GPR158: variants seen among roughly 807,000 people sequenced by gnomAD.
GPR158 encodes the protein metabotropic glycine receptor.
GPR158 carries 30 observed loss-of-function variants against 78.2 expected under a neutral mutation model. That is an observed-to-expected ratio of 0.38 (90% CI 0.29 to 0.52). The LOEUF (loss-of-function observed/expected upper bound fraction) is 0.52, where lower values mean the gene tolerates loss of function less well. Ranked by LOEUF, GPR158 falls within the 20% of genes least tolerant of loss-of-function variation. The pLI, the probability that GPR158 is intolerant of heterozygous loss-of-function variation, is 0.83. For synonymous variants in GPR158, 581 were observed against 591.1 expected, an observed-to-expected ratio of 0.98 and a Z score of 0.25; for missense variants, 1,463 against 1,523.5, an observed-to-expected ratio of 0.96 and a Z score of 0.66.
intron 5 of GPR158, among the ~76,000 whole-genome samples, chr10:25,524,988 A>G (rs1588898413): frequency 6.6e-6 from 1 of 152,354 alleles, no homozygotes; most frequent in Admixed American, 6.5e-5. Context: ...TGGAGAATAT[A>G]TACAGATAGC....
intron 2 of GPR158, among the ~76,000 whole-genome samples, chr10:25,295,566 A>G (rs544714064): frequency 1.3e-5 from 2 of 152,148 alleles, no homozygotes; most frequent in Non-Finnish European, 2.9e-5. Flanking sequence ...GGCGCCCGCC[A>G]CTACGCCCGG....
intron 6 of GPR158, among the ~76,000 whole-genome samples, chr10:25,564,021 A>G (rs1836895486): frequency 1.3e-5 from 2 of 152,006 alleles, no homozygotes; most frequent in Admixed American, 6.6e-5. Context: ...CAGATTCTCC[A>G]TCCTTTCCAG....
chr10:25,176,012 G>A lies in GPR158; in HGVS notation c.592G>A (p.Glu198Lys). 1 of 1,612,588 alleles carries A rather than the reference G, an allele frequency of 6.2e-7. No homozygotes were observed. The highest frequency in any genetic ancestry group is 8.5e-7 in the Non-Finnish European group (1 of 1,179,650). ...PQVFLQATREESRILLQDLSS... is the reference protein window; with the variant it reads ...PQVFLQATREKSRILLQDLSS... ...GGTCTTCCTCCAGGCCACGCGCGAGGAGAGCCGCATCCTGCTCCAAGACCT... is the reference window on the plus strand; with the variant it reads ...GGTCTTCCTCCAGGCCACGCGCGAGAAGAGCCGCATCCTGCTCCAAGACCT... The change falls in exon 1 of 11, where the codon GAG becomes AAG. Residue 198 changes from glutamate (E) to lysine (K), a missense_variant. Transcript: ENST00000376351. This position sits in a 1 kb window ranked among gnomAD's most constrained non-coding sequence, Gnocchi z 6.3.
chr10:25,300,031 T>A (rs1854569371), intron 2 of GPR158, among the ~76,000 whole-genome samples: 1 of 152,176 alleles, frequency 6.6e-6, no homozygotes, highest in South Asian at 2.1e-4. Flanking sequence ...GTGCTGGGAT[T>A]ACAGGTGTGA....
intron 2 of GPR158, among the ~76,000 whole-genome samples, chr10:25,384,398 C>G (rs994023136): frequency 6.6e-6 from 1 of 152,086 alleles, no homozygotes; most frequent in South Asian, 2.1e-4. Context: ...AATTCAGTAC[C>G]TATTGTTCAG....
At position 25,241,409 on chromosome 10, in the gene GPR158, CTCTTTTCTTT is replaced by C. The variant is rs1206670364; in HGVS notation, c.1008+20273_1008+20282del. On this transcript the variant is annotated intron_variant, in intron 2 of 10. Transcript: ENST00000376351. ...CTCTTCTCTTCTCTTCTCTTCTCTT[CTCTTTTCTTT>C]TCTTTTCTTTTCTTTTCTTTCGACA... Among the ~76,000 whole-genome samples the C allele has an allele frequency of 3.2e-3, 342 of 108,090 alleles. 15 individuals carry two copies. Among genetic ancestry groups the C allele is most frequent in the African/African-American group, 0.011 (299 of 27,532 alleles). 70.9% of individuals were successfully genotyped at this position (108,090 alleles called of 152,430 possible). A position where few individuals can be genotyped will look rare whatever the true frequency, so the allele number is the denominator to read the frequency against.
intron 3 of GPR158, among the ~76,000 whole-genome samples, chr10:25,396,862 G>T (rs78753486): frequency 0.022 from 3,375 of 152,274 alleles, 55 homozygotes; most frequent in Non-Finnish European, 0.037. Context: ...CCTCTTCAAA[G>T]CTCCTTAGGA....
At chr10:25,576,614 C>T (rs745454385) in intron 7 of GPR158, among the ~76,000 whole-genome samples, 6 of 152,034 alleles carry the variant, frequency 3.9e-5, no homozygotes, top group Non-Finnish European at 7.4e-5. Flanking sequence ...AGATTCATAG[C>T]GTGAGATGGC....
intron 4 of GPR158, among the ~76,000 whole-genome samples, chr10:25,417,604 G>T (rs945633404): frequency 4.6e-5 from 7 of 152,120 alleles, no homozygotes; most frequent in African/African-American, 1.4e-4. Flanking sequence ...TATTCACTGA[G>T]TGAAACCAAA....
chr10:25,378,448 G>A (rs1834113706), intron 2 of GPR158, among the ~76,000 whole-genome samples: 1 of 151,440 alleles, frequency 6.6e-6, no homozygotes, highest in Non-Finnish European at 1.5e-5. Flanking sequence ...CAGACTGCTT[G>A]CCTTCCTACT....
At chr10:25,241,141 CTTTCTTTCTTT>C (rs1853601557) in intron 2 of GPR158, among the ~76,000 whole-genome samples, 3 of 90,842 alleles carry the variant, frequency 3.3e-5, no homozygotes, top group Non-Finnish European at 6.7e-5. Context: ...TTCTTTCTTT[CTTTCTTTCTTT>C]CTTTCTTTCT....
intron 8 of GPR158, among the ~76,000 whole-genome samples, chr10:25,593,695 A>AT (rs1837368616): frequency 6.6e-6 from 1 of 152,104 alleles, no homozygotes; most frequent in African/African-American, 2.4e-5. Flanking sequence ...ATCAGATAAG[A>AT]TTTTTAAATA....
intron 2 of GPR158, among the ~76,000 whole-genome samples, chr10:25,334,648 T>TA: frequency 6.6e-6 from 1 of 152,200 alleles, no homozygotes; most frequent in East Asian, 1.9e-4. Context: ...TTATGATTGT[T>TA]ACAGAATTGC....
Position 25,431,836 on chromosome 10 carries a change from A to T in GPR158, c.1335+19363A>T, listed in dbSNP as rs141124198. Among the ~76,000 whole-genome samples the T allele has an allele frequency of 3.4e-4, 52 of 152,282 alleles. No homozygotes were observed. In the East Asian group the frequency reaches 9.5e-3, roughly 28 times the overall value. On this transcript the variant is annotated intron_variant, in intron 4 of 10. Transcript: ENST00000376351. ...AGAACACATGGACACAGGAAGGGGA[A>T]CATCACACTCTGGGGACTGTTGTGG... is the stretch of plus-strand genomic sequence containing the variant.
rs761859124 is a variant in GPR158 at position 25,412,293 on chromosome 10, G to A, written c.1155G>A (p.Val385=). The A allele has an allele frequency of 6.2e-7, 1 of 1,614,038 alleles. No homozygotes were observed. The highest frequency in any genetic ancestry group is 2.2e-5 in the East Asian group (1 of 44,878). ...ATATTTCAGGAAGTACAAAAGATGT[G>A]TCAGAAGAAGCCTATGTCTGCCTAC... ...DQHISGSTKD[V]SEEAYVCLPC... is the part of the protein sequence containing the mutation. Residue 385 remains valine (V), a synonymous_variant, in exon 4 of 11, where the codon GTG becomes GTA. Transcript: ENST00000376351.
intron 4 of GPR158, among the ~76,000 whole-genome samples, chr10:25,420,417 T>C (rs1834734190): frequency 6.6e-6 from 1 of 152,150 alleles, no homozygotes; most frequent in Non-Finnish European, 1.5e-5. Context: ...CCTCCCAAAA[T>C]GCTGGGATTA....
At chr10:25,457,441 G>C (rs1469380745) in intron 4 of GPR158, among the ~76,000 whole-genome samples, 1 of 146,436 alleles carries the variant, frequency 6.8e-6, no homozygotes, top group East Asian at 2.0e-4. Context: ...ACTTCTGTAT[G>C]CTTTTTTTTT....
chr10:25,238,589 T>C (rs112354665), intron 2 of GPR158, among the ~76,000 whole-genome samples: 2,479 of 152,316 alleles, frequency 0.016, 56 homozygotes, highest in African/African-American at 0.047. Flanking sequence ...TCCACAGAGA[T>C]TTATGAGCTG....
chr10:25,347,496 T>C (rs1773651), intron 2 of GPR158, among the ~76,000 whole-genome samples: 109,941 of 151,532 alleles, frequency 0.73, 41,015 homozygotes, highest in Non-Finnish European at 0.81. Context: ...GGGGGCCTAC[T>C]ACCATGCCTA....
Sources: allele counts gnomAD v4.1 joint callset (sites outside exome capture counted in the v4.1 genomes callset), GRCh38; gene constraint gnomAD v4.1.1; non-coding constraint Gnocchi (gnomAD v3.1); transcripts MANE v1.5; gene names NCBI Gene and HGNC (gene_info 2026-07-23, HGNC 2026-07-21).